Variants in DLD observed in about 807,000 individuals in gnomAD.
DLD encodes dihydrolipoamide dehydrogenase, also known as dihydrolipoyl dehydrogenase, mitochondrial.
DLD carries 36 observed loss-of-function variants against 62.2 expected under a neutral mutation model. The observed-to-expected ratio is 0.58, with a 90% CI of 0.44 to 0.76. The LOEUF is 0.76. Among genes scored for constraint, DLD ranks in the 30% least tolerant of loss-of-function variants. The probability of loss-of-function intolerance (pLI) is 0.00; values close to 1 mark genes in which losing one functional copy is unlikely to be tolerated. For synonymous variants in DLD, 204 were observed against 199.6 expected, an observed-to-expected ratio of 1.02 and a Z score of -0.19; for missense variants, 541 against 608.6, an observed-to-expected ratio of 0.89 and a Z score of 1.17.
Position 107,919,443 on chromosome 7 carries a change from G to A in DLD, c.*184G>A, listed in dbSNP as rs2032355446. 1 of 534,298 alleles carries A rather than the reference G, an allele frequency of 1.9e-6. No individual in the cohort carries two copies. Among genetic ancestry groups the A allele is most frequent in the Admixed American group, 3.4e-5 (1 of 29,620 alleles). The allele number at this position is 534,298 out of a possible 1,614,324, so 33.1% of individuals were successfully genotyped here. ...TATATCTATATTTTACATAAATTTAGTATTTTGTTTCAGTGCACTAATGTG... is the reference window on the plus strand; with the variant it reads ...TATATCTATATTTTACATAAATTTAATATTTTGTTTCAGTGCACTAATGTG... On this transcript the variant is annotated 3_prime_UTR_variant, in exon 14 of 14. Transcript: ENST00000205402.
intron 8 of DLD, among the ~76,000 whole-genome samples, chr7:107,908,248 T>C (rs2032055947): frequency 6.6e-6 from 1 of 151,670 alleles, no homozygotes; most frequent in Non-Finnish European, 1.5e-5. Context: ...CCTCCCGGGT[T>C]CAAGTGATTC....
intron 8 of DLD, among the ~76,000 whole-genome samples, chr7:107,910,841 G>T (rs13245239): frequency 2.6e-5 from 4 of 152,080 alleles, no homozygotes; most frequent in Non-Finnish European, 5.9e-5. Flanking sequence ...AAAGAGTAGG[G>T]CACTTGTCTA....
chr7:107,902,499 A>G (rs1459621594), intron 4 of DLD, 106 bp downstream of exon 4: 5 of 970,784 alleles, frequency 5.2e-6, no homozygotes, highest in South Asian at 1.3e-5. Flanking sequence ...AAAACAATCC[A>G]AGTTGTGGCA....
chr7:107,901,346 A>G (rs979083436), intron 2 of DLD, among the ~76,000 whole-genome samples: 4 of 152,164 alleles, frequency 2.6e-5, no homozygotes, highest in African/African-American at 9.6e-5. Context: ...CCGTGCTGAG[A>G]TATGAAGCCC....
At chr7:107,893,417 A>C in intron 2 of DLD, 139 bp downstream of exon 2, 1 of 677,328 alleles carries the variant, frequency 1.5e-6, no homozygotes, top group Non-Finnish European at 2.4e-6. Flanking sequence ...ATTCGTTTGA[A>C]TGTATATTGA....
chr7:107,917,054 G>T, intron 10 of DLD, 90 bp downstream of exon 10: 1 of 1,364,492 alleles, frequency 7.3e-7, no homozygotes, highest in Non-Finnish European at 1.0e-6. Flanking sequence ...CTTAAAATAT[G>T]TATTGGCTTT....
chr7:107,913,747 G>T (rs534815660), intron 8 of DLD, among the ~76,000 whole-genome samples: 2 of 152,152 alleles, frequency 1.3e-5, no homozygotes, highest in Admixed American at 1.3e-4. Flanking sequence ...AATTGCTGAG[G>T]CCAGGACTTC....
chr7:107,902,538 TA>T, intron 4 of DLD, 145 bp downstream of exon 4: 1 of 771,164 alleles, frequency 1.3e-6, no homozygotes, highest in African/African-American at 1.7e-5. Context: ...AAAAGAATGA[TA>T]AAAAACACAC....
Position 107,893,243 on chromosome 7 carries a change from C to G in DLD, c.83C>G (p.Ser28Cys). 1 of 1,613,480 alleles carries G rather than the reference C, an allele frequency of 6.2e-7. No homozygotes were observed. Among genetic ancestry groups the G allele is most frequent in the East Asian group, 2.2e-5 (1 of 44,848 alleles). ...ATATCTCATGGCCTACAGGGACTTTCTGCAGTGCCTCTGAGAACTTACGCA... is the reference window on the plus strand; with the variant it reads ...ATATCTCATGGCCTACAGGGACTTTGTGCAGTGCCTCTGAGAACTTACGCA... ...NRISHGLQGL[S>C]AVPLRTYADQ... The change falls in exon 2 of 14, where the codon TCT becomes TGT. Residue 28 changes from serine to cysteine, a missense_variant. By Grantham distance (112) the Ser-to-Cys change is moderately radical. Coordinates refer to ENST00000205402, the MANE Select transcript of DLD (RefSeq NM_000108.5).
rs767852697 is a variant in DLD, at chr7:107,915,594, C to G, written c.773C>G (p.Ser258Cys). Residue 258 changes from serine to cysteine, a missense_variant, in exon 9 of 14, where the codon TCT (serine) becomes TGT (cysteine). Coordinates refer to ENST00000205402, the MANE Select transcript of DLD (RefSeq NM_000108.5). ...GGAGTTGGAATTGATATGGAGATAT[C>G]TAAAAACTTTCAACGCATCCTTCAA... is the stretch of plus-strand genomic sequence containing the variant. ...VGGVGIDMEISKNFQRILQKQ... is the reference protein window; with the variant it reads ...VGGVGIDMEICKNFQRILQKQ... 1.5e-5 allele frequency: 25 copies of G among 1,613,486 alleles called. No individual in the cohort carries two copies. Among genetic ancestry groups the G allele is most frequent in the Non-Finnish European group, 2.0e-5 (24 of 1,179,834 alleles).
intron 2 of DLD, among the ~76,000 whole-genome samples, chr7:107,896,897 C>T (rs904410324): frequency 2.0e-5 from 3 of 151,328 alleles, no homozygotes; most frequent in Non-Finnish European, 4.4e-5. Flanking sequence ...AGTGCAGTGG[C>T]GTGATCTTGG....
At chr7:107,909,839 C>CTTTTTTTTTTTTT (rs71134292) in intron 8 of DLD, among the ~76,000 whole-genome samples, 1 of 73,052 alleles carries the variant, frequency 1.4e-5, no homozygotes, top group Non-Finnish European at 2.3e-5. Context: ...GGAGAATTAA[C>CTTTTTTTTTTTTT]TTTTTTTTTT....
intron 2 of DLD, among the ~76,000 whole-genome samples, chr7:107,896,355 C>T (rs541992643): frequency 1.6e-4 from 25 of 152,194 alleles, no homozygotes; most frequent in African/African-American, 5.5e-4. Flanking sequence ...CTAGCACCTC[C>T]TTAGGATCTT....
At position 107,919,224 on chromosome 7, in the gene DLD, C is replaced by T. The variant is rs1311063053; in HGVS notation, c.1495C>T (p.Leu499Phe). 5 of 1,613,034 alleles carry T rather than the reference C, an allele frequency of 3.1e-6. No individual in the cohort carries two copies. The highest frequency in any genetic ancestry group is 4.2e-6 in the Non-Finnish European group (5 of 1,179,552). The stretch of plus-strand genomic sequence containing the variant: ...ATCAGAAGCTTTTAGAGAAGCAAAT[C>T]TTGCTGCGTCATTTGGCAAATCAAT... ...TLSEAFREANLAASFGKSINF is the reference protein window; with the variant it reads ...TLSEAFREANFAASFGKSINF Residue 499 changes from leucine to phenylalanine, a missense_variant, in exon 14 of 14, where the codon CTT becomes TTT. Leu to Phe is a conservative substitution (Grantham distance 22). Transcript: ENST00000205402.
Position 107,919,361 on chromosome 7 carries a change from C to T in DLD, c.*102C>T, listed in dbSNP as rs2032353819. On this transcript the variant is annotated 3_prime_UTR_variant, in exon 14 of 14. Coordinates refer to ENST00000205402, the MANE Select transcript of DLD (RefSeq NM_000108.5). ...CTCACAGCTCCAAGAATTTCTAGGA[C>T]TGAATTATGAAACTTTTGGAAGGTA... 2 of 955,658 alleles carry T rather than the reference C, an allele frequency of 2.1e-6. No homozygotes were observed. The highest frequency in any genetic ancestry group is 1.6e-5 in the African/African-American group (1 of 60,708). 59.2% of individuals were successfully genotyped at this position (955,658 alleles called of 1,614,324 possible).
Position 107,920,442 on chromosome 7 carries a change from C to G in DLD, c.*1183C>G, listed in dbSNP as rs1306792176. 1 of 152,220 alleles carries G rather than the reference C, an allele frequency of 6.6e-6. No homozygotes were observed. The highest frequency in any genetic ancestry group is 1.5e-5 in the Non-Finnish European group (1 of 68,050). 9.4% of individuals were successfully genotyped at this position (152,220 alleles called of 1,614,324 possible). ...TGACCCTGGATTCTGTTACATACTTCTAAAGAAAATTGATTGTTGTCTTAG... is the reference window on the plus strand; with the variant it reads ...TGACCCTGGATTCTGTTACATACTTGTAAAGAAAATTGATTGTTGTCTTAG... On this transcript the variant is annotated 3_prime_UTR_variant, in exon 14 of 14. Coordinates refer to ENST00000205402, the MANE Select transcript of DLD (RefSeq NM_000108.5).
chr7:107,911,824 TA>T (rs111285624), intron 8 of DLD, among the ~76,000 whole-genome samples: 1 of 152,094 alleles, frequency 6.6e-6, no homozygotes, highest in Non-Finnish European at 1.5e-5. Flanking sequence ...AACATTTTTT[TA>T]AATGCTAGGA....
intron 12 of DLD, among the ~76,000 whole-genome samples, chr7:107,918,354 T>C (rs558481239): frequency 6.6e-6 from 1 of 152,352 alleles, no homozygotes; most frequent in South Asian, 2.1e-4. Context: ...ATCCAAGGCC[T>C]CACTGAATCT....
At chr7:107,892,301 T>C (rs917233577) in intron 1 of DLD, among the ~76,000 whole-genome samples, 4 of 152,192 alleles carry the variant, frequency 2.6e-5, no homozygotes, top group African/African-American at 9.7e-5. Flanking sequence ...ATGATGCAAT[T>C]TGTCAAACTG....
Sources: allele counts gnomAD v4.1 joint callset (sites outside exome capture counted in the v4.1 genomes callset), GRCh38; gene constraint gnomAD v4.1.1; transcripts MANE v1.5; gene names NCBI Gene and HGNC (gene_info 2026-07-23, HGNC 2026-07-21).